Variants in SLC24A3 observed in about 807,000 individuals in gnomAD.
SLC24A3 encodes sodium/potassium/calcium exchanger 3.
In SLC24A3, 28 loss-of-function variants were observed where a neutral mutation model predicts 75.8. The ratio of observed to expected loss-of-function variants is 0.37; its 90% CI spans 0.27 to 0.51. SLC24A3 has a LOEUF of 0.51. SLC24A3 is among the 20% of genes least tolerant of loss of function. The pLI, the probability that SLC24A3 is intolerant of heterozygous loss-of-function variation, is 0.94. For missense variants in SLC24A3, 663 were observed against 847.8 expected (o/e 0.78, Z 2.71); for synonymous variants, 372 against 334.1 (o/e 1.11, Z -1.24).
At chr20:19,317,360 T>C (rs1252119020) in intron 2 of SLC24A3, among the ~76,000 whole-genome samples, 1 of 152,242 alleles carries the variant, frequency 6.6e-6, no homozygotes, top group African/African-American at 2.4e-5. Context: ...GGCAGACACA[T>C]GCATTCGAGG....
At chr20:19,220,622 AAGG>A (rs1981681852) in intron 1 of SLC24A3, among the ~76,000 whole-genome samples, 2 of 152,242 alleles carry the variant, frequency 1.3e-5, no homozygotes, top group Non-Finnish European at 1.5e-5. Context: ...TTTGAAAGTC[AAGG>A]TGATAAGCAT....
intron 2 of SLC24A3, among the ~76,000 whole-genome samples, chr20:19,344,193 T>A (rs1030587605): frequency 6.6e-6 from 1 of 152,232 alleles, no homozygotes; most frequent in African/African-American, 2.4e-5. Flanking sequence ...TATTGCTAAT[T>A]CATTTTTTAA....
chr20:19,448,446 C>T (rs901273266), intron 2 of SLC24A3, among the ~76,000 whole-genome samples: 3 of 152,202 alleles, frequency 2.0e-5, no homozygotes, highest in African/African-American at 7.2e-5. Context: ...ATTCCAAATG[C>T]AAGCCTCGTC....
At chr20:19,452,772 T>G (rs1216877413) in intron 2 of SLC24A3, among the ~76,000 whole-genome samples, 1 of 152,072 alleles carries the variant, frequency 6.6e-6, no homozygotes, top group African/African-American at 2.4e-5. Context: ...CTCAGCACTT[T>G]GGGAGACAAA....
chr20:19,324,935 C>T (rs562585219), intron 2 of SLC24A3, among the ~76,000 whole-genome samples: 103 of 151,754 alleles, frequency 6.8e-4, no homozygotes, highest in Non-Finnish European at 1.0e-3. Context: ...ACTTTTCAAT[C>T]GTTACCCTGG....
intron 7 of SLC24A3, among the ~76,000 whole-genome samples, chr20:19,658,515 A>G (rs548654936): frequency 6.6e-6 from 1 of 152,342 alleles, no homozygotes; most frequent in East Asian, 1.9e-4. Context: ...TGTTTGAAGG[A>G]GAAGCAAAAG....
intron 2 of SLC24A3, among the ~76,000 whole-genome samples, chr20:19,337,810 T>C (rs1169250788): frequency 6.6e-6 from 1 of 152,204 alleles, no homozygotes; most frequent in Admixed American, 6.5e-5. Flanking sequence ...GGTGGTCAGC[T>C]TGGGGCTGGC....
intron 2 of SLC24A3, among the ~76,000 whole-genome samples, chr20:19,302,801 A>G (rs1689705635): frequency 1.3e-5 from 2 of 152,126 alleles, no homozygotes; most frequent in African/African-American, 4.8e-5. Context: ...CTAGTATTCC[A>G]CCTTATCACT....
chr20:19,547,379 A>T (rs1366912924), intron 3 of SLC24A3, among the ~76,000 whole-genome samples: 1 of 152,220 alleles, frequency 6.6e-6, no homozygotes, highest in Admixed American at 6.5e-5. Flanking sequence ...GAAGATGAGG[A>T]TAGGAGTAAG....
chr20:19,255,644 G>A (rs1568570210), intron 1 of SLC24A3, among the ~76,000 whole-genome samples: 1 of 152,212 alleles, frequency 6.6e-6, no homozygotes, highest in Non-Finnish European at 1.5e-5. Context: ...TTCTTAAAAA[G>A]AGGTGGACTA....
chr20:19,389,992 G>C (rs1273262447), intron 2 of SLC24A3, among the ~76,000 whole-genome samples: 1 of 151,992 alleles, frequency 6.6e-6, no homozygotes, highest in Non-Finnish European at 1.5e-5. Flanking sequence ...TCTTTCTTCT[G>C]TTTGATTGAG....
At chr20:19,628,515 C>G (rs1218673102) in intron 6 of SLC24A3, among the ~76,000 whole-genome samples, 1 of 152,142 alleles carries the variant, frequency 6.6e-6, no homozygotes, top group African/African-American at 2.4e-5. Flanking sequence ...TCCCATCCTC[C>G]AAACTCATGG....
intron 2 of SLC24A3, among the ~76,000 whole-genome samples, chr20:19,444,682 C>T (rs1243453457): frequency 1.3e-5 from 2 of 152,078 alleles, no homozygotes; most frequent in Non-Finnish European, 2.9e-5. Context: ...ACTTTCATTT[C>T]TGATGTTAGT....
chr20:19,299,663 C>T (rs1041588382), intron 2 of SLC24A3, among the ~76,000 whole-genome samples: 8 of 152,110 alleles, frequency 5.3e-5, no homozygotes, highest in East Asian at 1.9e-4. Context: ...CTTATGTAAA[C>T]GCAGAGAGGA....
chr20:19,338,630 A>G (rs1985193619), intron 2 of SLC24A3, among the ~76,000 whole-genome samples: 1 of 152,210 alleles, frequency 6.6e-6, no homozygotes, highest in Non-Finnish European at 1.5e-5. Flanking sequence ...TGAGGCATTT[A>G]AGAGCTTGGC....
intron 2 of SLC24A3, among the ~76,000 whole-genome samples, chr20:19,493,782 C>G (rs77578972): frequency 0.1 from 15,209 of 152,192 alleles, 823 homozygotes; most frequent in Admixed American, 0.1. Flanking sequence ...CCAGTTCATC[C>G]CCTTCCCTGA....
intron 3 of SLC24A3, among the ~76,000 whole-genome samples, chr20:19,575,314 G>C (rs2031117811): frequency 1.3e-5 from 2 of 150,968 alleles, no homozygotes; most frequent in African/African-American, 4.9e-5. Context: ...CACCCTCCTT[G>C]GGATCCATCA....
At position 19,685,217 on chromosome 20, in the gene SLC24A3, G is replaced by C. The variant is rs767557393; in HGVS notation, c.1180G>C (p.Gly394Arg). 5.0e-6 allele frequency: 8 copies of C among 1,614,040 alleles called. No homozygotes were observed. Among genetic ancestry groups the C allele is most frequent in the Non-Finnish European group, 6.8e-6 (8 of 1,180,038 alleles). Residue 394 changes from glycine (G) to arginine (R), a missense_variant, in exon 12 of 17, where the codon GGC becomes CGC. Coordinates refer to ENST00000328041, the MANE Select transcript of SLC24A3 (RefSeq NM_020689.4). ...AGGGCCCAGCAGTGCCCCAGACAGG[G>C]GCGTGAATGGGACACGGAGGGACGA... is the stretch of plus-strand genomic sequence containing the variant. ...GTGPSSAPDR[G>R]VNGTRRDDVV...
At chr20:19,424,745 C>CAAAAAAAAAAAAAAAAA (rs528342351) in intron 2 of SLC24A3, among the ~76,000 whole-genome samples, 1 of 49,160 alleles carries the variant, frequency 2.0e-5, no homozygotes, top group African/African-American at 7.7e-5. Context: ...AAAACAACAA[C>CAAAAAAAAAAAAAAAAA]AAAAAAAAAA....
Sources: gnomAD v4.1 joint callset for allele counts (sites outside exome capture counted in the v4.1 genomes callset) on GRCh38, gnomAD v4.1.1 for gene constraint, MANE v1.5 for transcripts, NCBI Gene and HGNC (gene_info 2026-07-23, HGNC 2026-07-21) for gene names.